Variants in DLEC1 observed in about 807,000 individuals in gnomAD.
The protein encoded by DLEC1 is deleted in lung and esophageal cancer protein 1.
DLEC1 carries 146 observed loss-of-function variants against 198.1 expected under a neutral mutation model. The observed-to-expected ratio is 0.74, with a 90% CI of 0.64 to 0.85. DLEC1 has a LOEUF of 0.85. Ranked by LOEUF, DLEC1 falls within the 40% of genes least tolerant of loss-of-function variation. The pLI is 0.00. For synonymous variants in DLEC1, 897 were observed against 866.8 expected (o/e 1.03, Z -0.61); for missense variants, 2,233 against 2,220.0 (o/e 1.01, Z -0.12).
rs1453829593 is a variant in DLEC1, at chr3:38,120,611, C to CAA, written c.4866+3_4866+4insAA. ...GAGTACACCAACCAGACCACTCAGGCACGCCCCAGGCCCACCTACATGTGG... is the reference window on the plus strand; with the variant it reads ...GAGTACACCAACCAGACCACTCAGGCAAACGCCCCAGGCCCACCTACATGTGG... On this transcript the variant is annotated splice_region_variant and intron_variant, in intron 34 of 36. Coordinates refer to ENST00000308059, the MANE Select transcript of DLEC1 (RefSeq NM_007335.4). The CAA allele has an allele frequency of 6.2e-7, 1 of 1,612,842 alleles. No homozygotes were observed. Among genetic ancestry groups the CAA allele is most frequent in the East Asian group, 2.2e-5 (1 of 44,888 alleles).
intron 10 of DLEC1, among the ~76,000 whole-genome samples, chr3:38,091,674 T>A (rs1308676906): frequency 6.6e-6 from 1 of 151,884 alleles, no homozygotes; most frequent in African/African-American, 2.4e-5. Context: ...GAAAACAACC[T>A]GCTTTTTTTA....
At chr3:38,083,727 C>T (rs1022465931) in intron 6 of DLEC1, among the ~76,000 whole-genome samples, 7 of 152,166 alleles carry the variant, frequency 4.6e-5, no homozygotes, top group African/African-American at 1.7e-4. Context: ...AGAGTTCTGA[C>T]AGATCTATTC....
Position 38,123,207 on chromosome 3 carries a change from C to A in DLEC1, c.*795C>A. ...GGCTGACCCAGAAGGACGTCATGGA[C>A]AAGTAGGATGCAAAACCATCAGACC... On this transcript the variant is annotated 3_prime_UTR_variant, in exon 37 of 37. Coordinates refer to ENST00000308059, the MANE Select transcript of DLEC1 (RefSeq NM_007335.4). The A allele has an allele frequency of 7.5e-7, 1 of 1,341,710 alleles. No individual in the cohort carries two copies. Among genetic ancestry groups the A allele is most frequent in the Non-Finnish European group, 1.1e-6 (1 of 936,530 alleles). The allele number at this position is 1,341,710 out of a possible 1,614,324, so 83.1% of individuals were successfully genotyped here.
At chr3:38,079,306 T>C (rs986802534) in intron 6 of DLEC1, among the ~76,000 whole-genome samples, 17 of 152,268 alleles carry the variant, frequency 1.1e-4, no homozygotes, top group East Asian at 9.6e-4. Context: ...GAGTATTGTC[T>C]AAGTTAGCAC....
At chr3:38,053,212 C>T (rs1186619756) in intron 2 of DLEC1, among the ~76,000 whole-genome samples, 1 of 152,244 alleles carries the variant, frequency 6.6e-6, no homozygotes, top group Non-Finnish European at 1.5e-5. Context: ...CAGCGGCCAC[C>T]CCATCTGGGA....
chr3:38,097,679 G>T (rs1329638670), intron 17 of DLEC1, 42 bp downstream of exon 17: 1 of 1,613,786 alleles, frequency 6.2e-7, no homozygotes, highest in Non-Finnish European at 8.5e-7. Flanking sequence ...GCCCAGAGAG[G>T]TGGCAGGGCT....
At chr3:38,084,076 C>G in intron 6 of DLEC1, 82 bp from the exon 7 acceptor site, 4 of 1,371,746 alleles carry the variant, frequency 2.9e-6, no homozygotes, top group South Asian at 2.4e-5. Context: ...ACCCCCTTCT[C>G]ATATTAGAGT....
rs199611573 is a variant in DLEC1, at chr3:38,100,297, C to T, written c.2736C>T (p.Phe912=). The change falls in exon 19 of 37, where the codon TTC becomes TTT. Residue 912 remains phenylalanine, a synonymous_variant. Transcript: ENST00000308059. ...LQERPEDVSP[F]DIEPSSGQLH... ...GTTCTCCGGGGCAGGTGTCTCCCTT[C>T]GACATTGAGCCTTCGAGTGGCCAGC... is the stretch of plus-strand genomic sequence containing the variant. The T allele has an allele frequency of 1.9e-5, 30 of 1,610,856 alleles. No homozygotes were observed. Among genetic ancestry groups the T allele is most frequent in the African/African-American group, 2.7e-5 (2 of 74,772 alleles).
At chr3:38,084,599 G>T (rs868233768) in intron 7 of DLEC1, among the ~76,000 whole-genome samples, 9 of 69,970 alleles carry the variant, frequency 1.3e-4, no homozygotes, top group African/African-American at 4.8e-4. Flanking sequence ...AGTAGTAGTA[G>T]TAGCAGTAGC....
Position 38,117,041 on chromosome 3 carries a change from A to G in DLEC1, c.4246A>G (p.Ile1416Val). The change falls in exon 30 of 37, where the codon ATC becomes GTC. Residue 1416 changes from isoleucine (I) to valine (V), a missense_variant. Transcript: ENST00000308059. Reference sequence around the variant, plus strand: ...CACCCCTATGGTGCTCAGCCCTGAGATCCTGCACAAGGTGGAGTGTACTGG... The same window carrying G: ...CACCCCTATGGTGCTCAGCCCTGAGGTCCTGCACAAGGTGGAGTGTACTGG... ...SFTPMVLSPE[I>V]LHKVECTGYA... 1 of 1,614,092 alleles carries G rather than the reference A, an allele frequency of 6.2e-7. No homozygotes were observed. The highest frequency in any genetic ancestry group is 8.5e-7 in the Non-Finnish European group (1 of 1,179,980).
chr3:38,045,818 A>T, intron 2 of DLEC1, 125 bp downstream of exon 2: 5 of 977,842 alleles, frequency 5.1e-6, no homozygotes, highest in Non-Finnish European at 7.4e-6. Context: ...CAGACATGAT[A>T]ATATGAATAT....
intron 1 of DLEC1, among the ~76,000 whole-genome samples, chr3:38,043,688 T>C (rs1700756342): frequency 1.3e-5 from 2 of 152,170 alleles, no homozygotes; most frequent in Admixed American, 1.3e-4. Flanking sequence ...AAATGGTAAT[T>C]ACACAATAAA....
intron 6 of DLEC1, among the ~76,000 whole-genome samples, chr3:38,083,272 G>C (rs1698155757): frequency 6.6e-6 from 1 of 151,274 alleles, no homozygotes; most frequent in Non-Finnish European, 1.5e-5. Context: ...AGTCTGAAAA[G>C]AGAGTCAGCG....
Position 38,117,629 on chromosome 3 carries a change from C to G in DLEC1, c.4485+18C>G, listed in dbSNP as rs780497354. On this transcript the variant is annotated intron_variant, in intron 32 of 36. Transcript: ENST00000308059. ...GCTCTGGGGTGAGTGTGCTGCCACCCTCTGGCCCTGCCAGCTTACCTGGAC... is the reference window on the plus strand; with the variant it reads ...GCTCTGGGGTGAGTGTGCTGCCACCGTCTGGCCCTGCCAGCTTACCTGGAC... 6.8e-6 allele frequency: 11 copies of G among 1,613,952 alleles called. No individual in the cohort carries two copies. Among genetic ancestry groups the G allele is most frequent in the African/African-American group, 1.3e-5 (1 of 74,918 alleles).
At chr3:38,119,462 C>G (rs138610929) in intron 33 of DLEC1, among the ~76,000 whole-genome samples, 10 of 152,214 alleles carry the variant, frequency 6.6e-5, no homozygotes, top group Non-Finnish European at 5.9e-5. Flanking sequence ...CTAAAGTTCT[C>G]CCAACACTAT....
At chr3:38,114,233 G>T in intron 25 of DLEC1, 109 bp from the exon 26 acceptor site, 1 of 938,426 alleles carries the variant, frequency 1.1e-6, no homozygotes, top group Non-Finnish European at 1.7e-6. Flanking sequence ...GTGAGGCTGG[G>T]ACCAAACTGT....
rs769669125 is a variant in DLEC1 at position 38,116,490 on chromosome 3, CAAGG to C, written c.3898_3901del (p.Glu1300ThrfsTer130). The C allele has an allele frequency of 1.2e-6, 2 of 1,614,132 alleles. No individual in the cohort carries two copies. The highest frequency in any genetic ancestry group is 1.7e-6 in the Non-Finnish European group (2 of 1,179,992). On this transcript the variant is annotated frameshift_variant, in exon 28 of 37. Coordinates refer to ENST00000308059, the MANE Select transcript of DLEC1 (RefSeq NM_007335.4). LOFTEE classifies it high-confidence loss of function. ...ATTGGGAGACCTATGTTCCAGAAGA[CAAGG>C]AAGACCGGCTGGTGGAGCTGCTGGT...
At chr3:38,095,682 GC>G in intron 13 of DLEC1, 1 of 577,146 alleles carries the variant, frequency 1.7e-6, no homozygotes, top group Non-Finnish European at 3.1e-6. Flanking sequence ...GCTGAGACAG[GC>G]CCCTGAGTCC....
intron 2 of DLEC1, among the ~76,000 whole-genome samples, chr3:38,053,717 G>A (rs1312103081): frequency 1.3e-5 from 2 of 152,246 alleles, no homozygotes; most frequent in Admixed American, 6.5e-5. Context: ...CATTGAGAAC[G>A]GGCCATGATG....
Sources: allele counts gnomAD v4.1 joint callset (sites outside exome capture counted in the v4.1 genomes callset), GRCh38; gene constraint gnomAD v4.1.1; transcripts MANE v1.5; gene names NCBI Gene and HGNC (gene_info 2026-07-23, HGNC 2026-07-21).